Variants in C6 observed in about 807,000 individuals in gnomAD.
C6 encodes the protein complement component C6.
In C6, 101 loss-of-function variants were observed where a neutral mutation model predicts 112.9. The observed-to-expected ratio is 0.89, with a 90% CI of 0.76 to 1.06. The LOEUF is 1.06. Ranked by LOEUF, C6 falls within the 50% of genes least tolerant of loss-of-function variation. The pLI is 0.00. For missense variants in C6, 1,202 were observed against 1,104.6 expected (o/e 1.09, Z -1.25); for synonymous variants, 431 against 384.1 (o/e 1.12, Z -1.43).
chr5:41,175,257 T>C (rs73753111), intron 8 of C6, among the ~76,000 whole-genome samples: 3,299 of 152,322 alleles, frequency 0.022, 127 homozygotes, highest in African/African-American at 0.075. Flanking sequence ...ATGTCACAGC[T>C]AGATCATCCT....
At chr5:41,237,003 T>G (rs1359248094) in intron 1 of C6, among the ~76,000 whole-genome samples, 1 of 151,536 alleles carries the variant, frequency 6.6e-6, no homozygotes, top group Non-Finnish European at 1.5e-5. Flanking sequence ...CCTCGACACA[T>G]ACACTCTCCC....
chr5:41,248,938 A>C (rs1401144926), intron 1 of C6, among the ~76,000 whole-genome samples: 1 of 152,174 alleles, frequency 6.6e-6, no homozygotes, highest in African/African-American at 2.4e-5. Context: ...TCAATGGTGG[A>C]TTGGTATATA....
chr5:41,171,449 A>G (rs759511992), intron 9 of C6, among the ~76,000 whole-genome samples: 1 of 152,192 alleles, frequency 6.6e-6, no homozygotes, highest in Non-Finnish European at 1.5e-5. Context: ...GCTATTAGAT[A>G]TGAGTGAGAA....
chr5:41,203,277 A>T (rs369549926), intron 1 of C6, 27 bp from the exon 2 acceptor site: 16 of 1,610,842 alleles, frequency 9.9e-6, no homozygotes, highest in Admixed American at 3.3e-5. Context: ...CATAACACAT[A>T]TCAAATGCTT....
intron 9 of C6, among the ~76,000 whole-genome samples, chr5:41,163,369 T>C (rs758626879): frequency 7.3e-5 from 11 of 151,606 alleles, no homozygotes; most frequent in Non-Finnish European, 1.3e-4. Flanking sequence ...CTGGAATGCA[T>C]TGGTGCGATC....
chr5:41,230,755 C>A (rs994551006), intron 1 of C6, among the ~76,000 whole-genome samples: 2 of 152,094 alleles, frequency 1.3e-5, no homozygotes, highest in Admixed American at 1.3e-4. Flanking sequence ...AGCTTGGGGT[C>A]GTCATCACAG....
chr5:41,238,614 C>A (rs1740482970), intron 1 of C6, among the ~76,000 whole-genome samples: 1 of 152,116 alleles, frequency 6.6e-6, no homozygotes, highest in South Asian at 2.1e-4. Context: ...TGAGACATGA[C>A]CAGTGTTGTG....
At chr5:41,213,550 T>C (rs981255630), upstream of C6, 1 of 985,272 alleles carries the variant, frequency 1.0e-6, no homozygotes, top group African/African-American at 1.7e-5. Context: ...CCTAGAGGGT[T>C]GTCAAAATAA....
chr5:41,211,518 T>C (rs1278389914), intron 1 of C6, among the ~76,000 whole-genome samples: 2 of 152,058 alleles, frequency 1.3e-5, no homozygotes, highest in East Asian at 1.9e-4. Context: ...AGTAGCCAGA[T>C]AGAATTTAAG....
intron 15 of C6, among the ~76,000 whole-genome samples, chr5:41,153,566 AG>A (rs748550400): frequency 4.6e-5 from 7 of 152,226 alleles, no homozygotes; most frequent in Non-Finnish European, 8.8e-5. Context: ...GTTATTCAAA[AG>A]GTTAACTTTC....
chr5:41,190,790 G>A (rs1399441457), intron 5 of C6, among the ~76,000 whole-genome samples: 1 of 152,120 alleles, frequency 6.6e-6, no homozygotes, highest in Non-Finnish European at 1.5e-5. Context: ...AGCATGAGTG[G>A]TGGGGGTCCA....
intron 15 of C6, among the ~76,000 whole-genome samples, chr5:41,151,980 G>T (rs1173419910): frequency 2.0e-5 from 3 of 151,770 alleles, no homozygotes; most frequent in Non-Finnish European, 4.4e-5. Context: ...TCCCTGCATG[G>T]CATTCTAGGC....
At chr5:41,159,559 C>T (rs2150262950) in intron 11 of C6, 2 of 512,152 alleles carry the variant, frequency 3.9e-6, no homozygotes, top group Middle Eastern at 1.0e-3. Flanking sequence ...AATGTGCACT[C>T]ATATGTGTAT....
At chr5:41,181,582 T>A (rs1749356147) in intron 6 of C6, 23 bp from the exon 7 acceptor site, 6 of 1,582,874 alleles carry the variant, frequency 3.8e-6, no homozygotes, top group Non-Finnish European at 5.2e-6. Flanking sequence ...CCATGTAAAA[T>A]AAAATATAAT....
chr5:41,216,633 C>A (rs562461066), upstream of C6, among the ~76,000 whole-genome samples: 10 of 152,212 alleles, frequency 6.6e-5, no homozygotes, highest in African/African-American at 2.2e-4. Context: ...GCAATTTTAT[C>A]TTTTATTTAG....
intron 1 of C6, among the ~76,000 whole-genome samples, chr5:41,245,582 G>C (rs1441850747): frequency 6.6e-6 from 1 of 152,014 alleles, no homozygotes. Flanking sequence ...TAAGTTTTTA[G>C]TTAACATTTC....
intron 1 of C6, among the ~76,000 whole-genome samples, chr5:41,231,372 G>A (rs1209058606): frequency 6.6e-6 from 1 of 151,840 alleles, no homozygotes; most frequent in Non-Finnish European, 1.5e-5. Context: ...TTTGCTTTAT[G>A]GTTACCATGA....
chr5:41,171,151 T>C lies in C6; in HGVS notation c.1291+1074A>G, dbSNP rs747406244. On this transcript the variant is annotated intron_variant, in intron 9 of 17. Coordinates refer to ENST00000337836, the MANE Select transcript of C6 (RefSeq NM_000065.5). ...TTTGCCTTCCATTGAAGGTTTTATATCCATGGAAATAAAAAGAGGAAGACA... is the reference window on the plus strand; with the variant it reads ...TTTGCCTTCCATTGAAGGTTTTATACCCATGGAAATAAAAAGAGGAAGACA... Among the ~76,000 whole-genome samples the C allele has an allele frequency of 4.6e-5, 7 of 152,166 alleles. No homozygotes were observed. The South Asian group carries it at 1.4e-3, about 32-fold the overall frequency.
At chr5:41,187,300 G>A (rs1561144778) in intron 5 of C6, among the ~76,000 whole-genome samples, 2 of 152,102 alleles carry the variant, frequency 1.3e-5, no homozygotes, top group Non-Finnish European at 2.9e-5. Flanking sequence ...CCACTTACAT[G>A]TCTGTTTCCC....
Sources: allele counts gnomAD v4.1 joint callset (sites outside exome capture counted in the v4.1 genomes callset), GRCh38; gene constraint gnomAD v4.1.1; transcripts MANE v1.5; gene names NCBI Gene and HGNC (gene_info 2026-07-23, HGNC 2026-07-21).